Variants in MTUS2 observed in about 807,000 individuals in gnomAD.
The protein encoded by MTUS2 is microtubule-associated tumor suppressor candidate 2.
In MTUS2, 40 loss-of-function variants were observed where a neutral mutation model predicts 114.1. That is an observed-to-expected ratio of 0.35 (90% confidence interval 0.27 to 0.46). The LOEUF (loss-of-function observed/expected upper bound fraction) is 0.46, where lower values mean the gene tolerates loss of function less well. Ranked by LOEUF, MTUS2 falls within the 20% of genes least tolerant of loss-of-function variation. MTUS2 has a pLI of 1.00. For synonymous variants in MTUS2, 688 were observed against 672.0 expected (o/e 1.02, Z -0.37); for missense variants, 1,679 against 1,705.4 (o/e 0.98, Z 0.27).
At chr13:29,286,468 T>C (rs1211727706) in intron 6 of MTUS2, among the ~76,000 whole-genome samples, 1 of 152,078 alleles carries the variant, frequency 6.6e-6, no homozygotes, top group Non-Finnish European at 1.5e-5. Flanking sequence ...GTTTAAAGAG[T>C]TATATAATAG....
rs1011957863 is a variant in MTUS2 at position 28,842,190 on chromosome 13, T to C, written c.-243+2340T>C. ...GCTCCCCCAACACACAAATGATCTATGTTTTGAAGAAAAAAATGTGGATTT... is the reference window on the plus strand; with the variant it reads ...GCTCCCCCAACACACAAATGATCTACGTTTTGAAGAAAAAAATGTGGATTT... On this transcript the variant is annotated intron_variant, in intron 2 of 15. Coordinates refer to ENST00000612955, the MANE Select transcript of MTUS2 (RefSeq NM_001033602.4). Among the ~76,000 whole-genome samples the C allele has an allele frequency of 4.6e-5, 7 of 151,874 alleles. 1 individual carries two copies. The highest frequency in any genetic ancestry group is 8.8e-5 in the Non-Finnish European group (6 of 67,998).
At chr13:29,379,767 G>T (rs1223974415) in intron 8 of MTUS2, among the ~76,000 whole-genome samples, 2 of 152,160 alleles carry the variant, frequency 1.3e-5, no homozygotes, top group African/African-American at 4.8e-5. Flanking sequence ...CCTGAATTGA[G>T]AAATTATTGA....
chr13:29,225,450 AC>A (rs1449446023), intron 5 of MTUS2, among the ~76,000 whole-genome samples: 3 of 152,214 alleles, frequency 2.0e-5, no homozygotes, highest in South Asian at 4.2e-4. Flanking sequence ...GTACATTTCA[AC>A]CCCCTGCTTC....
chr13:28,833,025 A>G, intron 1 of MTUS2, among the ~76,000 whole-genome samples: 1 of 152,166 alleles, frequency 6.6e-6, no homozygotes, highest in Admixed American at 6.5e-5. Context: ...TCAAGAAGAA[A>G]GGGCAGATCT....
At chr13:29,021,387 T>C (rs1412862506) in intron 2 of MTUS2, among the ~76,000 whole-genome samples, 2 of 152,248 alleles carry the variant, frequency 1.3e-5, no homozygotes, top group Non-Finnish European at 2.9e-5. Context: ...TAAAGAACAT[T>C]TATGATGTAG....
intron 4 of MTUS2, among the ~76,000 whole-genome samples, chr13:29,058,812 T>G (rs1888271574): frequency 6.7e-6 from 1 of 150,158 alleles, no homozygotes; most frequent in African/African-American, 2.5e-5. Flanking sequence ...GAACATGCGG[T>G]GTTTGGTTTT....
intron 7 of MTUS2, among the ~76,000 whole-genome samples, chr13:29,345,447 AT>A (rs1566144221): frequency 6.6e-6 from 1 of 151,298 alleles, no homozygotes; most frequent in Non-Finnish European, 1.5e-5. Flanking sequence ...GTTTGATTCT[AT>A]TGGTGACAGT....
At chr13:29,322,719 G>A (rs1298804941) in intron 6 of MTUS2, among the ~76,000 whole-genome samples, 1 of 152,116 alleles carries the variant, frequency 6.6e-6, no homozygotes, top group African/African-American at 2.4e-5. Context: ...TGAATGGATG[G>A]ATGAGCCATG....
chr13:29,205,533 G>A (rs1895149354), intron 5 of MTUS2, among the ~76,000 whole-genome samples: 1 of 152,282 alleles, frequency 6.6e-6, no homozygotes, highest in South Asian at 2.1e-4. Context: ...ACTGCACCCA[G>A]TGTGTAGTCT....
chr13:29,345,109 C>T (rs9551653), intron 7 of MTUS2, among the ~76,000 whole-genome samples: 150,927 of 152,282 alleles, frequency 0.99, 74,799 homozygotes, highest in Middle Eastern at 1. Flanking sequence ...TTGTCTTCAC[C>T]TTAGATAACC....
At chr13:29,414,432 G>A (rs539635258) in intron 8 of MTUS2, among the ~76,000 whole-genome samples, 27 of 110,068 alleles carry the variant, frequency 2.5e-4, no homozygotes, top group African/African-American at 8.8e-4. Flanking sequence ...ATGTGCACAT[G>A]TACCCTAAAA....
At chr13:29,076,223 C>T (rs1447796623) in intron 4 of MTUS2, among the ~76,000 whole-genome samples, 1 of 152,200 alleles carries the variant, frequency 6.6e-6, no homozygotes, top group African/African-American at 2.4e-5. Context: ...GTAATGCTTT[C>T]CTCAAGTTCC....
intron 2 of MTUS2, among the ~76,000 whole-genome samples, chr13:28,912,557 A>G (rs568606316): frequency 2.4e-4 from 36 of 152,094 alleles, no homozygotes; most frequent in Admixed American, 3.9e-4. Flanking sequence ...AAGAATGTCA[A>G]TGGTAGTTTA....
chr13:29,443,050 G>A (rs1199263972), intron 9 of MTUS2, among the ~76,000 whole-genome samples: 2 of 152,144 alleles, frequency 1.3e-5, no homozygotes, highest in East Asian at 1.9e-4. Flanking sequence ...AGTTTCTAGG[G>A]GGTTCCAAGG....
rs1454926009 is a variant in MTUS2, at chr13:29,025,321, A to G, written c.623A>G (p.Gln208Arg). 2.5e-6 allele frequency: 4 copies of G among 1,613,798 alleles called. No homozygotes were observed. The African/African-American group carries it at 4.0e-5, about 16-fold the overall frequency. The change falls in exon 3 of 16, where the codon CAG becomes CGG. Residue 208 changes from glutamine to arginine, a missense_variant. By Grantham distance (43) the Gln-to-Arg change is conservative. Transcript: ENST00000612955. Reference protein sequence around the residue: ...LSLDSREARGQIPGGGEGPQK... With the variant: ...LSLDSREARGRIPGGGEGPQK... Reference sequence around the variant, plus strand: ...CTCGACTCCCGGGAAGCACGGGGTCAGATACCTGGGGGTGGGGAGGGGCCA... The same window carrying G: ...CTCGACTCCCGGGAAGCACGGGGTCGGATACCTGGGGGTGGGGAGGGGCCA...
intron 5 of MTUS2, among the ~76,000 whole-genome samples, chr13:29,212,714 A>G (rs1269842242): frequency 6.6e-6 from 1 of 152,294 alleles, no homozygotes; most frequent in Non-Finnish European, 1.5e-5. Flanking sequence ...GAGGAAGTAC[A>G]TAGAGTCAGG....
At chr13:29,221,231 A>T (rs1415272519) in intron 5 of MTUS2, among the ~76,000 whole-genome samples, 1 of 152,248 alleles carries the variant, frequency 6.6e-6, no homozygotes, top group Non-Finnish European at 1.5e-5. Context: ...AGAACCACAG[A>T]TTGTGAAAGT....
At chr13:29,076,242 T>C (rs969178250) in intron 4 of MTUS2, among the ~76,000 whole-genome samples, 2 of 152,214 alleles carry the variant, frequency 1.3e-5, no homozygotes, top group Non-Finnish European at 2.9e-5. Flanking sequence ...CCTTACAGCT[T>C]CCACTCATTG....
rs544991658 is a variant in MTUS2, at chr13:29,340,089, C to T, written c.2905+15378C>T. Among the ~76,000 whole-genome samples the T allele has an allele frequency of 3.9e-5, 6 of 152,374 alleles. No individual in the cohort carries two copies. In the South Asian group the frequency reaches 1.2e-3, roughly 32 times the overall value. Reference sequence around the variant, plus strand: ...GCGCAAAGCATCGCAAGCTGGCACCCTCTGGCCATAGGGTTCCGCACGGGC... The same window carrying T: ...GCGCAAAGCATCGCAAGCTGGCACCTTCTGGCCATAGGGTTCCGCACGGGC... On this transcript the variant is annotated intron_variant, in intron 7 of 15. Coordinates refer to ENST00000612955, the MANE Select transcript of MTUS2 (RefSeq NM_001033602.4).
Sources: gnomAD v4.1 joint callset for allele counts (sites outside exome capture counted in the v4.1 genomes callset) on GRCh38, gnomAD v4.1.1 for gene constraint, MANE v1.5 for transcripts, NCBI Gene and HGNC (gene_info 2026-07-23, HGNC 2026-07-21) for gene names.